SEC62: variants seen among roughly 807,000 people sequenced by gnomAD.
SEC62 encodes translocation protein SEC62.
SEC62 carries 10 observed loss-of-function variants against 47.5 expected under a neutral mutation model. The ratio of observed to expected loss-of-function variants is 0.21; its 90% confidence interval spans 0.13 to 0.36. The LOEUF is 0.36. Among genes scored for constraint, SEC62 ranks in the 10% least tolerant of loss-of-function variants. The pLI, the probability that SEC62 is intolerant of heterozygous loss-of-function variation, is 1.00. For missense variants in SEC62, 327 were observed against 464.1 expected (o/e 0.70, Z 2.71); for synonymous variants, 136 against 150.5 (o/e 0.90, Z 0.71).
chr3:169,972,521 T>G, intron 1 of SEC62, among the ~76,000 whole-genome samples: 1 of 151,892 alleles, frequency 6.6e-6, no homozygotes, highest in Non-Finnish European at 1.5e-5. Context: ...GCTCAGGTGG[T>G]CTTCCTACCT....
rs1265032904 is a variant in SEC62, at chr3:169,992,146, A to G, written c.731-448A>G. Among the ~76,000 whole-genome samples the G allele has an allele frequency of 2.0e-5, 3 of 152,116 alleles. No individual in the cohort carries two copies. Among genetic ancestry groups the G allele is most frequent in the Non-Finnish European group, 4.4e-5 (3 of 68,018 alleles). On this transcript the variant is annotated intron_variant, in intron 7 of 7. Coordinates refer to ENST00000337002, the MANE Select transcript of SEC62 (RefSeq NM_003262.4). This position sits in a 1 kb window ranked among gnomAD's most constrained non-coding sequence, Gnocchi z 4.0. ...GATCTTATGAATACTTAAATTCCCAACTGATTGCTATGTGTATTGAAGCAT... is the reference window on the plus strand; with the variant it reads ...GATCTTATGAATACTTAAATTCCCAGCTGATTGCTATGTGTATTGAAGCAT...
At chr3:169,988,556 CTT>C (rs1715162042) in intron 7 of SEC62, among the ~76,000 whole-genome samples, 197 bp downstream of exon 7, 1 of 152,068 alleles carries the variant, frequency 6.6e-6, no homozygotes. Context: ...TTTAATACAT[CTT>C]TAAAAAAATT....
In SEC62 at chr3:169,976,996, A is replaced by C. The variant is rs756548326; in HGVS notation, c.196A>C (p.Lys66Gln). 1 of 1,611,462 alleles carries C rather than the reference A, an allele frequency of 6.2e-7. No homozygotes were observed. Among genetic ancestry groups the C allele is most frequent in the South Asian group, 1.1e-5 (1 of 90,758 alleles). The stretch of plus-strand genomic sequence containing the variant: ...GGATTCAAAGTGGGCAAAGGCCAAG[A>C]AAGGAGAGGAAGCTTTATTTACAAC... ...LLDSKWAKAKKGEEALFTTRE... is the reference protein window; with the variant it reads ...LLDSKWAKAKQGEEALFTTRE... Residue 66 changes from lysine (K) to glutamine (Q), a missense_variant, in exon 3 of 8, where the codon AAA becomes CAA. Transcript: ENST00000337002.
chr3:169,976,964 G>A lies in SEC62; in HGVS notation c.164G>A (p.Cys55Tyr). The A allele has an allele frequency of 6.2e-7, 1 of 1,608,028 alleles. No homozygotes were observed. Among genetic ancestry groups the A allele is most frequent in the Non-Finnish European group, 8.5e-7 (1 of 1,176,038 alleles). ...DYFIASKAVDCLLDSKWAKAK... is the reference protein window; with the variant it reads ...DYFIASKAVDYLLDSKWAKAK... The stretch of plus-strand genomic sequence containing the variant: ...TCTTTAGCTTCAAAAGCAGTGGACT[G>A]TCTTTTGGATTCAAAGTGGGCAAAG... The change falls in exon 3 of 8, where the codon TGT (cysteine) becomes TAT (tyrosine). Residue 55 changes from cysteine (C) to tyrosine (Y), a missense_variant. Cys to Tyr is a radical substitution (Grantham distance 194, BLOSUM62 -2). Coordinates refer to ENST00000337002, the MANE Select transcript of SEC62 (RefSeq NM_003262.4).
chr3:169,978,745 C>T lies in SEC62; in HGVS notation c.251+1694C>T, dbSNP rs575261087. ...TGTCTTAAAAACAAACCAAAAAGTA[C>T]AAACTTCCTTACCTGCCACAAAACT... On this transcript the variant is annotated intron_variant, in intron 3 of 7. Coordinates refer to ENST00000337002, the MANE Select transcript of SEC62 (RefSeq NM_003262.4). 2.0e-5 allele frequency among the ~76,000 whole-genome samples: 3 copies of T among 152,180 alleles called. No individual in the cohort carries two copies. The East Asian group carries it at 5.8e-4, about 29-fold the overall frequency.
intron 6 of SEC62, among the ~76,000 whole-genome samples, chr3:169,987,455 A>G (rs1245244929): frequency 6.6e-6 from 1 of 152,180 alleles, no homozygotes; most frequent in East Asian, 1.9e-4. Flanking sequence ...TTATAATAAG[A>G]GTACTAGTCA....
In SEC62 at chr3:169,997,075, A is replaced by G. The variant is rs981310574; in HGVS notation, c.*4012A>G. On this transcript the variant is annotated 3_prime_UTR_variant, in exon 8 of 8. Transcript: ENST00000337002. ...TCCTGTTCTAGTGAATGTCATGCAGATAACTACACAAGGAGATTAATTTAA... is the reference window on the plus strand; with the variant it reads ...TCCTGTTCTAGTGAATGTCATGCAGGTAACTACACAAGGAGATTAATTTAA... The G allele has an allele frequency of 2.6e-5, 4 of 152,264 alleles. No individual in the cohort carries two copies. The highest frequency in any genetic ancestry group is 1.9e-4 in the East Asian group (1 of 5,204). 9.4% of individuals were successfully genotyped at this position (152,264 alleles called of 1,614,324 possible).
chr3:169,988,489 T>G, intron 7 of SEC62, 130 bp downstream of exon 7: 1 of 998,472 alleles, frequency 1.0e-6, no homozygotes, highest in Non-Finnish European at 1.5e-6. Context: ...TACTACTTTC[T>G]GAGTCAAATC....
intron 1 of SEC62, 65 bp downstream of exon 1, chr3:169,966,923 C>G: frequency 6.6e-7 from 1 of 1,525,346 alleles, no homozygotes; most frequent in Non-Finnish European, 8.8e-7. Context: ...GCGGGGAAAG[C>G]CCCCTAAAAG....
chr3:169,993,008 A>T lies in SEC62; in HGVS notation c.1145A>T (p.Asp382Val). The T allele has an allele frequency of 6.2e-7, 1 of 1,612,218 alleles. No individual in the cohort carries two copies. The highest frequency in any genetic ancestry group is 8.5e-7 in the Non-Finnish European group (1 of 1,179,354). The change falls in exon 8 of 8, where the codon GAT (aspartate) becomes GTT (valine). Residue 382 changes from aspartate (D) to valine (V), a missense_variant. Transcript: ENST00000337002. ...EQQTDGDCEE[D>V]EEEENDGETP... is the part of the protein sequence containing the mutation. ...CAAACAGATGGGGATTGTGAAGAGG[A>T]TGAGGAAGAGGAAAATGATGGAGAA...
chr3:169,979,100 G>C (rs1452077963), intron 3 of SEC62, among the ~76,000 whole-genome samples: 2 of 152,170 alleles, frequency 1.3e-5, no homozygotes, highest in African/African-American at 4.8e-5. Flanking sequence ...TGAGTACAGA[G>C]AGTGTCCAAA....
At chr3:169,987,018 G>C (rs183725406) in intron 6 of SEC62, among the ~76,000 whole-genome samples, 16 of 151,508 alleles carry the variant, frequency 1.1e-4, no homozygotes, top group Non-Finnish European at 2.2e-4. Context: ...GCTTTTTAAC[G>C]TGTGTATTCC....
rs1269995601 is a variant in SEC62 at position 169,993,327 on chromosome 3, A to T, written c.*264A>T. The T allele has an allele frequency of 9.3e-6, 3 of 324,074 alleles. No individual in the cohort carries two copies. 20.1% of individuals were successfully genotyped at this position (324,074 alleles called of 1,614,324 possible). On this transcript the variant is annotated 3_prime_UTR_variant, in exon 8 of 8. Transcript: ENST00000337002. ...TCATTCATTTTGACAGTTATCAAAG[A>T]TGTACTTTCCACAGTTAAATTTACA...
chr3:169,980,591 T>A (rs1452202406), intron 3 of SEC62, among the ~76,000 whole-genome samples: 2 of 152,218 alleles, frequency 1.3e-5, no homozygotes, highest in East Asian at 3.8e-4. Flanking sequence ...TTGCCTTCAG[T>A]ATCTACTCAT....
At position 169,993,121 on chromosome 3, in the gene SEC62, C is replaced by G; in HGVS notation, c.*58C>G. 8.0e-7 allele frequency: 1 copy of G among 1,248,464 alleles called. No homozygotes were observed. The highest frequency in any genetic ancestry group is 1.1e-6 in the Non-Finnish European group (1 of 907,052). 77.3% of individuals were successfully genotyped at this position (1,248,464 alleles called of 1,614,324 possible). ...CAAGAGGTTGGATTTTCTATGTTGG[C>G]TGATTACCATATTGAACACATGGCA... On this transcript the variant is annotated 3_prime_UTR_variant, in exon 8 of 8. Transcript: ENST00000337002.
At chr3:169,984,298 G>A (rs1201295686) in intron 5 of SEC62, among the ~76,000 whole-genome samples, 3 of 152,142 alleles carry the variant, frequency 2.0e-5, no homozygotes, top group African/African-American at 4.8e-5. Flanking sequence ...ATTTTTATAG[G>A]CGTTGGGAAT....
At chr3:169,974,880 T>G (rs958083529) in intron 1 of SEC62, among the ~76,000 whole-genome samples, 2 of 152,260 alleles carry the variant, frequency 1.3e-5, no homozygotes, top group Non-Finnish European at 2.9e-5. Flanking sequence ...TATCTTTGGC[T>G]GTTATTTTAA....
chr3:169,978,027 C>G (rs897254087), intron 3 of SEC62, among the ~76,000 whole-genome samples: 1 of 152,224 alleles, frequency 6.6e-6, no homozygotes, highest in African/African-American at 2.4e-5. Context: ...TGCCCGTAAT[C>G]CCAGCACTTT....
chr3:169,990,023 A>G (rs1036402350), intron 7 of SEC62, among the ~76,000 whole-genome samples: 2 of 144,842 alleles, frequency 1.4e-5, no homozygotes, highest in African/African-American at 5.0e-5. Context: ...ATTATATATC[A>G]TATATATCAT....
Sources: allele counts gnomAD v4.1 joint callset (sites outside exome capture counted in the v4.1 genomes callset), GRCh38; gene constraint gnomAD v4.1.1; non-coding constraint Gnocchi (gnomAD v3.1); transcripts MANE v1.5; gene names NCBI Gene and HGNC (gene_info 2026-07-23, HGNC 2026-07-21).